The following MSRA variants were observed in gnomAD, a reference collection of about 807,000 sequenced individuals.
The protein encoded by MSRA is mitochondrial peptide methionine sulfoxide reductase.
In MSRA, 54 loss-of-function variants were observed where a neutral mutation model predicts 31.3. The ratio of observed to expected loss-of-function variants is 1.73; its 90% confidence interval spans 1.39 to 2.17. The LOEUF (loss-of-function observed/expected upper bound fraction) is 2.17, where lower values mean the gene tolerates loss of function less well. MSRA is among the 30% of genes most tolerant of loss of function. The pLI, the probability that MSRA is intolerant of heterozygous loss-of-function variation, is 0.00. For missense variants in MSRA, 507 were observed against 300.9 expected, an observed-to-expected ratio of 1.69 and a Z score of -5.07; for synonymous variants, 169 against 116.5, an observed-to-expected ratio of 1.45 and a Z score of -2.90.
chr8:10,067,342 G>A (rs889357116), intron 1 of MSRA, among the ~76,000 whole-genome samples: 1 of 152,132 alleles, frequency 6.6e-6, no homozygotes, highest in Non-Finnish European at 1.5e-5. Flanking sequence ...GTCTTTTCCT[G>A]GTTGGATAGC....
rs1292748448 is a variant in MSRA, at chr8:10,168,122, TC to T, written c.143-39709del. ...CCCTATGCTCCTTGTGCCTTAGTTT[TC>T]CTATCTGTAAAATGGAGATAATAAA... On this transcript the variant is annotated intron_variant, in intron 1 of 5. Transcript: ENST00000317173. 2.0e-5 allele frequency among the ~76,000 whole-genome samples: 3 copies of T among 152,322 alleles called. No individual in the cohort carries two copies. The East Asian group carries it at 5.8e-4, about 29-fold the overall frequency.
At chr8:10,271,036 A>G (rs1293312367) in intron 3 of MSRA, among the ~76,000 whole-genome samples, 3 of 150,862 alleles carry the variant, frequency 2.0e-5, no homozygotes, top group Non-Finnish European at 4.4e-5. Flanking sequence ...GCAATAAATA[A>G]CTTTAAGCTC....
intron 5 of MSRA, among the ~76,000 whole-genome samples, chr8:10,367,797 AGC>A (rs1805253444): frequency 6.6e-6 from 1 of 152,230 alleles, no homozygotes; most frequent in African/African-American, 2.4e-5. Context: ...CTTCACCCAC[AGC>A]ACATCTGGAA....
In MSRA at chr8:10,153,858, C is replaced by T. The variant is rs373555895; in HGVS notation, c.143-53975C>T. On this transcript the variant is annotated intron_variant, in intron 1 of 5. Transcript: ENST00000317173. ...ATTCTTAATTTCAATCCTTTTATTT[C>T]GGATCCAGGCTTTAGGATGCCTCTC... Among the ~76,000 whole-genome samples the T allele has an allele frequency of 2.9e-4, 44 of 152,292 alleles. 1 individual carries two copies. In the South Asian group the frequency reaches 8.7e-3, roughly 30 times the overall value.
At chr8:10,090,641 T>C (rs1334314535) in intron 1 of MSRA, among the ~76,000 whole-genome samples, 1 of 152,238 alleles carries the variant, frequency 6.6e-6, no homozygotes, top group African/African-American at 2.4e-5. Context: ...GTGAAAATGT[T>C]TGGTTCACTC....
At chr8:10,328,161 G>T (rs373396190) in intron 5 of MSRA, among the ~76,000 whole-genome samples, 3 of 146,718 alleles carry the variant, frequency 2.0e-5, no homozygotes, top group Admixed American at 7.0e-5. Context: ...CGCCACTTGT[G>T]TGTCAACGTA....
chr8:10,267,634 T>G (rs77597409), intron 3 of MSRA, among the ~76,000 whole-genome samples: 2,275 of 152,060 alleles, frequency 0.015, 70 homozygotes, highest in African/African-American at 0.051. Flanking sequence ...TTTACAAAAG[T>G]CAGGAGAGAG....
intron 1 of MSRA, among the ~76,000 whole-genome samples, chr8:10,095,187 T>G (rs1799070067): frequency 6.6e-6 from 1 of 152,206 alleles, no homozygotes; most frequent in African/African-American, 2.4e-5. Flanking sequence ...CTTATTAAAG[T>G]TACATACATC....
At chr8:10,091,454 C>T (rs947400859) in intron 1 of MSRA, among the ~76,000 whole-genome samples, 1 of 152,134 alleles carries the variant, frequency 6.6e-6, no homozygotes, top group African/African-American at 2.4e-5. Flanking sequence ...ATATTTTCCT[C>T]GTTTATCTGT....
chr8:10,118,585 G>A (rs540126195), intron 1 of MSRA, among the ~76,000 whole-genome samples: 2 of 152,116 alleles, frequency 1.3e-5, no homozygotes, highest in South Asian at 4.2e-4. Context: ...AGCCATCTGG[G>A]TGTCCTCATC....
chr8:10,221,442 A>T (rs955414160), intron 2 of MSRA, among the ~76,000 whole-genome samples: 2 of 96,030 alleles, frequency 2.1e-5, no homozygotes, highest in East Asian at 2.9e-4. Flanking sequence ...ATGTGTATAT[A>T]TACATATATA....
At chr8:10,221,343 A>C (rs12543841) in intron 2 of MSRA, among the ~76,000 whole-genome samples, 2 of 151,872 alleles carry the variant, frequency 1.3e-5, no homozygotes, top group African/African-American at 2.4e-5. Flanking sequence ...CTACCTTGCA[A>C]TGAAGAGGCT....
intron 5 of MSRA, among the ~76,000 whole-genome samples, chr8:10,416,954 ACT>A (rs769699796): frequency 9.2e-5 from 14 of 152,346 alleles, no homozygotes; most frequent in South Asian, 6.2e-4. Flanking sequence ...GTCTGAAGAC[ACT>A]GTGATTTACC....
chr8:10,085,865 C>G (rs1218676824), intron 1 of MSRA, among the ~76,000 whole-genome samples: 1 of 152,198 alleles, frequency 6.6e-6, no homozygotes, highest in Non-Finnish European at 1.5e-5. Context: ...TCTGTATGGG[C>G]TTTTCCACCT....
intron 2 of MSRA, among the ~76,000 whole-genome samples, chr8:10,224,574 G>T (rs934120722): frequency 3.7e-4 from 56 of 152,292 alleles, no homozygotes; most frequent in Middle Eastern, 3.4e-3. Flanking sequence ...ATGGGTTAGA[G>T]ATGGGGGCTG....
At chr8:10,375,583 G>T (rs1423878881) in intron 5 of MSRA, among the ~76,000 whole-genome samples, 1 of 152,142 alleles carries the variant, frequency 6.6e-6, no homozygotes, top group Non-Finnish European at 1.5e-5. Flanking sequence ...GGGAGTCAAG[G>T]ATTCGAGGGA....
At chr8:10,113,287 G>GTTTTTTTTTTTTTTTTTTTTT (rs1412167930) in intron 1 of MSRA, among the ~76,000 whole-genome samples, 2 of 6,310 alleles carry the variant, frequency 3.2e-4, no homozygotes, top group Non-Finnish European at 7.1e-4. Flanking sequence ...GTGAAGACAG[G>GTTTTTTTTTTTTTTTTTTTTT]TCTTCTTTTT....
intron 5 of MSRA, among the ~76,000 whole-genome samples, chr8:10,374,559 A>G (rs1805653960): frequency 6.6e-6 from 1 of 152,190 alleles, no homozygotes; most frequent in South Asian, 2.1e-4. Flanking sequence ...ATAGTACATG[A>G]CAAGTGAAAT....
chr8:10,300,351 G>A (rs887296170), intron 3 of MSRA, among the ~76,000 whole-genome samples: 1 of 152,004 alleles, frequency 6.6e-6, no homozygotes, highest in African/African-American at 2.4e-5. Context: ...CACCTCTCAG[G>A]TTCAAGTGAT....
Sources: allele counts gnomAD v4.1 joint callset (sites outside exome capture counted in the v4.1 genomes callset), GRCh38; gene constraint gnomAD v4.1.1; transcripts MANE v1.5; gene names NCBI Gene and HGNC (gene_info 2026-07-23, HGNC 2026-07-21).